Variants in ADAMTS3 observed in about 807,000 individuals in gnomAD.
The protein encoded by ADAMTS3 is A disintegrin and metalloproteinase with thrombospondin motifs 3.
Under a neutral mutation model 129.0 loss-of-function variants are expected in ADAMTS3, and 73 were observed. The ratio of observed to expected loss-of-function variants is 0.57; its 90% CI spans 0.47 to 0.69. The LOEUF is 0.69. ADAMTS3 is among the 30% of genes least tolerant of loss of function. ADAMTS3 has a pLI of 0.00. For missense variants in ADAMTS3, 1,457 were observed against 1,514.5 expected (o/e 0.96, Z 0.63); for synonymous variants, 477 against 510.8 (o/e 0.93, Z 0.89).
chr4:72,518,063 T>C (rs1408742704), intron 3 of ADAMTS3, among the ~76,000 whole-genome samples: 2 of 152,138 alleles, frequency 1.3e-5, no homozygotes, highest in African/African-American at 2.4e-5. Flanking sequence ...TTTCAAAGAA[T>C]ATCTTTATTT....
intron 16 of ADAMTS3, among the ~76,000 whole-genome samples, chr4:72,305,473 C>A (rs78862524): frequency 0.038 from 5,843 of 151,910 alleles, 162 homozygotes; most frequent in Non-Finnish European, 0.057. Context: ...TCTGATATTC[C>A]TTGATTTAGT....
At chr4:72,398,409 T>G (rs1240036282) in intron 4 of ADAMTS3, among the ~76,000 whole-genome samples, 1 of 151,602 alleles carries the variant, frequency 6.6e-6, no homozygotes, top group South Asian at 2.1e-4. Context: ...ATACAAAAAA[T>G]AAATAAATAA....
chr4:72,403,916 C>A (rs1215123461), intron 4 of ADAMTS3, among the ~76,000 whole-genome samples: 1 of 151,592 alleles, frequency 6.6e-6, no homozygotes, highest in East Asian at 1.9e-4. Context: ...ACTTAATAAT[C>A]AGCCCTCAGA....
rs750121414 is a variant in ADAMTS3, at chr4:72,298,294, G to A, written c.2573C>T (p.Ser858Phe). Residue 858 changes from serine (S) to phenylalanine (F), a missense_variant, in exon 18 of 22, where the codon TCC becomes TTC. Ser to Phe is a radical substitution (Grantham distance 155). Coordinates refer to ENST00000286657, the MANE Select transcript of ADAMTS3 (RefSeq NM_014243.3). The part of the protein sequence containing the change: ...EWALKSWSQC[S>F]KPCGGGFQYT... Reference sequence around the variant, plus strand: ...ATGGTTACCTCCACCACAGGGTTTGGAACACTGAGACCAGCTCTTCAAAGC... The same window carrying A: ...ATGGTTACCTCCACCACAGGGTTTGAAACACTGAGACCAGCTCTTCAAAGC... 41 of 1,612,270 alleles carry A rather than the reference G, an allele frequency of 2.5e-5. No individual in the cohort carries two copies. The highest frequency in any genetic ancestry group is 3.3e-5 in the Non-Finnish European group (39 of 1,178,948).
intron 2 of ADAMTS3, among the ~76,000 whole-genome samples, chr4:72,563,274 AG>A (rs1432496493): frequency 3.3e-5 from 5 of 152,172 alleles, no homozygotes; most frequent in Non-Finnish European, 7.4e-5. Flanking sequence ...TGCTCAATGG[AG>A]GGACAAAAGA....
intron 3 of ADAMTS3, among the ~76,000 whole-genome samples, chr4:72,508,619 T>A (rs1386516171): frequency 2.0e-5 from 3 of 152,116 alleles, no homozygotes; most frequent in African/African-American, 7.2e-5. Context: ...AGTAATTTCA[T>A]AATACCAATA....
At chr4:72,546,751 C>T (rs1721477800) in intron 3 of ADAMTS3, among the ~76,000 whole-genome samples, 1 of 151,954 alleles carries the variant, frequency 6.6e-6, no homozygotes, top group South Asian at 2.1e-4. Context: ...TGCCACTACT[C>T]ACAGGGGAGA....
intron 3 of ADAMTS3, among the ~76,000 whole-genome samples, chr4:72,496,767 T>C (rs1719883785): frequency 6.6e-6 from 1 of 152,096 alleles, no homozygotes; most frequent in Non-Finnish European, 1.5e-5. Context: ...CTCCTCACTT[T>C]ACATGGACTT....
chr4:72,525,399 T>C (rs1720781103), intron 3 of ADAMTS3, among the ~76,000 whole-genome samples: 2 of 152,110 alleles, frequency 1.3e-5, no homozygotes, highest in South Asian at 4.1e-4. Flanking sequence ...AAATCACCAC[T>C]GACACAATTA....
intron 2 of ADAMTS3, among the ~76,000 whole-genome samples, chr4:72,560,722 T>C (rs746419993): frequency 2.0e-5 from 3 of 152,032 alleles, no homozygotes; most frequent in South Asian, 2.1e-4. Context: ...CTAGGAAAAA[T>C]AGCTAATACA....
chr4:72,285,002 G>C (rs1412275136), intron 21 of ADAMTS3, among the ~76,000 whole-genome samples: 2 of 152,160 alleles, frequency 1.3e-5, no homozygotes, highest in Non-Finnish European at 2.9e-5. Flanking sequence ...GAAATGCAAA[G>C]AACTGTCAAT....
intron 18 of ADAMTS3, 46 bp from the exon 19 acceptor site, chr4:72,295,832 C>T (rs1410855155): frequency 2.5e-6 from 4 of 1,583,416 alleles, no homozygotes; most frequent in Non-Finnish European, 3.4e-6. Flanking sequence ...CTTCTTCATG[C>T]TGATAGTTAC....
intron 4 of ADAMTS3, among the ~76,000 whole-genome samples, chr4:72,366,421 C>A (rs1261085073): frequency 6.6e-6 from 1 of 152,074 alleles, no homozygotes. Context: ...ACAGTTTAAT[C>A]TAGTTTTCAG....
chr4:72,558,179 A>G (rs1355398281), intron 2 of ADAMTS3, among the ~76,000 whole-genome samples: 2 of 151,884 alleles, frequency 1.3e-5, no homozygotes, highest in Admixed American at 6.5e-5. Context: ...CGATAATTAC[A>G]TTTTCCAAAT....
intron 4 of ADAMTS3, among the ~76,000 whole-genome samples, chr4:72,379,557 T>C (rs1721225764): frequency 6.6e-6 from 1 of 152,024 alleles, no homozygotes; most frequent in African/African-American, 2.4e-5. Flanking sequence ...AAGTCAATCA[T>C]AGAGCTATAG....
intron 3 of ADAMTS3, among the ~76,000 whole-genome samples, chr4:72,416,633 G>A (rs533583416): frequency 2.0e-5 from 3 of 152,100 alleles, no homozygotes; most frequent in Non-Finnish European, 4.4e-5. Flanking sequence ...CATGTACTAT[G>A]AAATGCACAT....
chr4:72,528,419 G>A (rs921687040), intron 3 of ADAMTS3, among the ~76,000 whole-genome samples: 1 of 150,164 alleles, frequency 6.7e-6, no homozygotes, highest in Non-Finnish European at 1.5e-5. Flanking sequence ...TCAATATGTT[G>A]ATTACTCTGA....
At chr4:72,557,740 C>A (rs1161347415) in intron 2 of ADAMTS3, among the ~76,000 whole-genome samples, 1 of 151,596 alleles carries the variant, frequency 6.6e-6, no homozygotes, top group African/African-American at 2.4e-5. Context: ...AACATGAAAT[C>A]AGGTAAGAGA....
chr4:72,457,208 T>A (rs1467918285), intron 3 of ADAMTS3, among the ~76,000 whole-genome samples: 1 of 151,794 alleles, frequency 6.6e-6, no homozygotes, highest in African/African-American at 2.4e-5. Context: ...AGGTTCCGTT[T>A]GCTTATTGCC....
Sources: gnomAD v4.1 joint callset for allele counts (sites outside exome capture counted in the v4.1 genomes callset) on GRCh38, gnomAD v4.1.1 for gene constraint, MANE v1.5 for transcripts, NCBI Gene and HGNC (gene_info 2026-07-23, HGNC 2026-07-21) for gene names.